The following IL3RA variants were observed in gnomAD, a reference collection of about 807,000 sequenced individuals.
IL3RA encodes the protein interleukin 3 receptor subunit alpha.
Under a neutral mutation model 52.3 loss-of-function variants are expected in IL3RA, and 73 were observed. That is an observed-to-expected ratio of 1.40 (90% CI 1.16 to 1.70). The LOEUF (loss-of-function observed/expected upper bound fraction) is 1.70. IL3RA is among the 40% of genes most tolerant of loss of function. The pLI is 0.00. For missense variants in IL3RA, 664 were observed against 504.4 expected (o/e 1.32, Z -3.03); for synonymous variants, 260 against 194.0 (o/e 1.34, Z -2.83).
In IL3RA at chrX:1,344,113, C is replaced by A. The variant is rs191910322; in HGVS notation, c.65-1203C>A. ...CCGTTTGCTTTATGACTTCTACCAG[C>A]TCACAGAAGTCTCCTGTGTACATAG... On this transcript the variant is annotated intron_variant, in intron 2 of 11. Coordinates refer to ENST00000331035, the MANE Select transcript of IL3RA (RefSeq NM_002183.4). Among the ~76,000 whole-genome samples, 31 of 152,018 alleles carry A rather than the reference C, an allele frequency of 2.0e-4. 1 individual carries two copies. Among genetic ancestry groups the A allele is most frequent in the Admixed American group, 6.6e-4 (10 of 15,226 alleles).
chrX:1,345,943 C>T (rs773105988), intron 3 of IL3RA, among the ~76,000 whole-genome samples: 1 of 152,144 alleles, frequency 6.6e-6, no homozygotes, highest in African/African-American at 2.4e-5. Context: ...GGTTCCCCGT[C>T]CGCGGGACAT....
At chrX:1,358,917 C>T in intron 8 of IL3RA, 30 bp downstream of exon 8, 2 of 1,583,444 alleles carry the variant, frequency 1.3e-6, no homozygotes, top group Non-Finnish European at 1.7e-6. Context: ...AGCCGCTGTA[C>T]TTGACATTGC....
chrX:1,359,883 T>C (rs1256017182), intron 8 of IL3RA, among the ~76,000 whole-genome samples: 9 of 125,562 alleles, frequency 7.2e-5, no homozygotes, highest in East Asian at 2.8e-4. Flanking sequence ...CTCTGTAACC[T>C]TCTCCATTTC....
intron 1 of IL3RA, among the ~76,000 whole-genome samples, chrX:1,337,962 T>C (rs2085367873): frequency 6.8e-6 from 1 of 147,860 alleles, no homozygotes; most frequent in South Asian, 2.1e-4. Context: ...AGCAGCTTTA[T>C]TCACAATAGC....
chrX:1,348,831 T>G (rs184048779), intron 4 of IL3RA, among the ~76,000 whole-genome samples: 119 of 147,176 alleles, frequency 8.1e-4, no homozygotes, highest in Admixed American at 6.4e-3. Flanking sequence ...CTTCTCTCCT[T>G]TTCCTCCCTC....
At chrX:1,338,330 A>C (rs1355177944) in intron 1 of IL3RA, among the ~76,000 whole-genome samples, 1 of 151,762 alleles carries the variant, frequency 6.6e-6, no homozygotes, top group Non-Finnish European at 1.5e-5. Flanking sequence ...TTTATTCACA[A>C]TAGCCAAGAG....
chrX:1,339,390 C>T (rs1473065475), intron 1 of IL3RA, among the ~76,000 whole-genome samples: 1 of 152,230 alleles, frequency 6.6e-6, no homozygotes, highest in African/African-American at 2.4e-5. Context: ...TCCCTGCTGC[C>T]CTCAGTCCCG....
chrX:1,345,099 C>T (rs28668847), intron 2 of IL3RA, among the ~76,000 whole-genome samples: 46,711 of 150,076 alleles, frequency 0.31, 7,777 homozygotes, highest in Middle Eastern at 0.49. Flanking sequence ...AACCAGGAGG[C>T]GGAGCTTGCA....
chrX:1,339,784 C>T (rs1225286260), intron 1 of IL3RA, among the ~76,000 whole-genome samples: 1 of 151,972 alleles, frequency 6.6e-6, no homozygotes, highest in Non-Finnish European at 1.5e-5. Context: ...AAGAGTGAGA[C>T]TCCATCTCAG....
chrX:1,350,971 C>T (rs1187943178), intron 4 of IL3RA, among the ~76,000 whole-genome samples: 32 of 151,924 alleles, frequency 2.1e-4, no homozygotes, highest in African/African-American at 7.5e-4. Flanking sequence ...GTTTGGGAGG[C>T]TGAGGCGGGT....
intron 10 of IL3RA, 99 bp downstream of exon 10, chrX:1,378,863 G>T: frequency 1.8e-6 from 2 of 1,140,620 alleles, no homozygotes; most frequent in Non-Finnish European, 2.6e-6. Flanking sequence ...TTATTTTTGT[G>T]ATGGAGTCTC....
chrX:1,363,302 CT>C (rs769178382), intron 8 of IL3RA, among the ~76,000 whole-genome samples: 1,377 of 130,552 alleles, frequency 0.011, 13 homozygotes, highest in African/African-American at 0.03. Flanking sequence ...GTCTTTTCTT[CT>C]TTTTTTTTTT....
intron 6 of IL3RA, among the ~76,000 whole-genome samples, chrX:1,355,942 A>C (rs2086673410): frequency 6.6e-6 from 1 of 152,026 alleles, no homozygotes; most frequent in Non-Finnish European, 1.5e-5. Context: ...CTGGTACTTC[A>C]GAGAACAAAA....
chrX:1,381,194 C>G, intron 11 of IL3RA, 90 bp downstream of exon 11: 1 of 1,104,868 alleles, frequency 9.1e-7, no homozygotes, highest in South Asian at 1.2e-5. Flanking sequence ...AGGCCAGGAA[C>G]TGGAGACCAG....
intron 2 of IL3RA, among the ~76,000 whole-genome samples, chrX:1,343,865 A>T (rs7877976): frequency 6.9e-6 from 1 of 144,714 alleles, no homozygotes; most frequent in South Asian, 2.2e-4. Flanking sequence ...GCACGATCTC[A>T]GCTCACCGCA....
At chrX:1,337,904 TGTG>T (rs1232020352) in intron 1 of IL3RA, among the ~76,000 whole-genome samples, 3 of 147,862 alleles carry the variant, frequency 2.0e-5, no homozygotes, top group Non-Finnish European at 3.0e-5. Flanking sequence ...AGAAATATAA[TGTG>T]GTCCAGCCAC....
intron 2 of IL3RA, among the ~76,000 whole-genome samples, chrX:1,343,078 A>G (rs181703066): frequency 1.4e-4 from 21 of 151,880 alleles, no homozygotes; most frequent in African/African-American, 4.6e-4. Flanking sequence ...CCGTCTCAAA[A>G]TGAATGAATG....
At chrX:1,341,542 T>G (rs2085494279) in intron 1 of IL3RA, among the ~76,000 whole-genome samples, 186 bp from the exon 2 acceptor site, 1 of 34,306 alleles carries the variant, frequency 2.9e-5, no homozygotes, top group African/African-American at 5.5e-5. Flanking sequence ...AAGCACACTC[T>G]GATGTGCATG....
chrX:1,364,981 G>A (rs2087805149), intron 8 of IL3RA, among the ~76,000 whole-genome samples, 157 bp from the exon 9 acceptor site: 1 of 151,610 alleles, frequency 6.6e-6, no homozygotes. Flanking sequence ...GCTAATTTTT[G>A]TATTTTTAGT....
Sources: allele counts gnomAD v4.1 joint callset (sites outside exome capture counted in the v4.1 genomes callset), GRCh38; gene constraint gnomAD v4.1.1; transcripts MANE v1.5; gene names NCBI Gene and HGNC (gene_info 2026-07-23, HGNC 2026-07-21).